CTNNA3: variants seen among roughly 807,000 people sequenced by gnomAD.
CTNNA3 encodes the protein catenin alpha 3.
CTNNA3 carries 76 observed loss-of-function variants against 95.7 expected under a neutral mutation model. The observed-to-expected ratio is 0.79, with a 90% confidence interval of 0.66 to 0.96. The LOEUF (loss-of-function observed/expected upper bound fraction) is 0.96. CTNNA3 is among the 40% of genes least tolerant of loss of function. The pLI is 0.00. For missense variants in CTNNA3, 1,191 were observed against 1,089.8 expected, an observed-to-expected ratio of 1.09 and a Z score of -1.31; for synonymous variants, 431 against 374.4, an observed-to-expected ratio of 1.15 and a Z score of -1.74.
chr10:66,930,084 A>C (rs1198497431), intron 7 of CTNNA3, among the ~76,000 whole-genome samples: 1 of 152,138 alleles, frequency 6.6e-6, no homozygotes, highest in Non-Finnish European at 1.5e-5. Context: ...GGGGTTTTTC[A>C]TATGCTGAGA....
intron 9 of CTNNA3, among the ~76,000 whole-genome samples, chr10:66,691,371 T>C (rs541639686): frequency 1.1e-3 from 162 of 152,242 alleles, no homozygotes; most frequent in Middle Eastern, 6.8e-3. Flanking sequence ...CACAGCAGAC[T>C]GAGATCAAAC....
intron 7 of CTNNA3, among the ~76,000 whole-genome samples, chr10:66,896,628 T>G (rs537948952): frequency 1.3e-5 from 2 of 152,298 alleles, no homozygotes; most frequent in East Asian, 3.9e-4. Flanking sequence ...GGTTCCTTTT[T>G]TTCCCTTTCT....
At chr10:66,287,885 GA>G (rs1214829500) in intron 12 of CTNNA3, among the ~76,000 whole-genome samples, 1 of 152,042 alleles carries the variant, frequency 6.6e-6, no homozygotes, top group East Asian at 1.9e-4. Context: ...TGGGGCTGAG[GA>G]AATAGTGGAG....
intron 7 of CTNNA3, among the ~76,000 whole-genome samples, chr10:67,087,423 GA>G (rs946471196): frequency 6.6e-6 from 1 of 151,646 alleles, no homozygotes; most frequent in Non-Finnish European, 1.5e-5. Flanking sequence ...TTTATAGGGG[GA>G]AAATCACCAA....
intron 7 of CTNNA3, among the ~76,000 whole-genome samples, chr10:67,009,706 G>C (rs530845299): frequency 2.6e-5 from 4 of 152,104 alleles, no homozygotes; most frequent in African/African-American, 9.6e-5. Context: ...TGTAGATTGA[G>C]AGAAAAAACA....
intron 7 of CTNNA3, among the ~76,000 whole-genome samples, chr10:67,016,808 T>C (rs1303545244): frequency 2.6e-5 from 4 of 152,204 alleles, no homozygotes; most frequent in Non-Finnish European, 5.9e-5. Context: ...TCCCTCTTTT[T>C]TGACTTCTTT....
intron 7 of CTNNA3, among the ~76,000 whole-genome samples, chr10:67,133,378 T>TATATATATATATATACAC (rs1177119156): frequency 7.5e-6 from 1 of 133,898 alleles, no homozygotes; most frequent in African/African-American, 2.9e-5. Flanking sequence ...TATATATATA[T>TATATATATATATATACAC]ACACACACAC....
chr10:66,166,498 CAAAAAAAA>C (rs35165850), intron 13 of CTNNA3, among the ~76,000 whole-genome samples: 3 of 105,204 alleles, frequency 2.9e-5, no homozygotes, highest in Admixed American at 9.7e-5. Context: ...CAGTCTGTCT[CAAAAAAAA>C]AAAAAAAAAA....
chr10:66,163,356 A>AG (rs1282307454), intron 13 of CTNNA3, among the ~76,000 whole-genome samples: 3 of 152,190 alleles, frequency 2.0e-5, no homozygotes, highest in African/African-American at 7.2e-5. Flanking sequence ...ATAGGCTGCT[A>AG]GGGGACCCAG....
At chr10:67,656,731 G>C (rs1840035374) in intron 1 of CTNNA3, among the ~76,000 whole-genome samples, 1 of 151,944 alleles carries the variant, frequency 6.6e-6, no homozygotes. Flanking sequence ...GCCGGGGGAA[G>C]AGCACTGCAG....
At chr10:66,581,771 T>C (rs1843197314) in intron 10 of CTNNA3, among the ~76,000 whole-genome samples, 1 of 151,620 alleles carries the variant, frequency 6.6e-6, no homozygotes, top group African/African-American at 2.4e-5. Context: ...TCTTTTATGG[T>C]TTCAGGTCTT....
At chr10:66,981,124 G>A (rs192950742) in intron 7 of CTNNA3, among the ~76,000 whole-genome samples, 22 of 152,108 alleles carry the variant, frequency 1.4e-4, no homozygotes, top group Admixed American at 9.2e-4. Flanking sequence ...GGCTGGTCTC[G>A]AACTCCTAAC....
At chr10:67,320,666 G>T (rs1354861959) in intron 5 of CTNNA3, among the ~76,000 whole-genome samples, 1 of 152,164 alleles carries the variant, frequency 6.6e-6, no homozygotes, top group Non-Finnish European at 1.5e-5. Flanking sequence ...TAATAAGCAT[G>T]CCTGGTAGGT....
At chr10:67,699,372 G>C (rs1045609982), upstream of CTNNA3, among the ~76,000 whole-genome samples, 1 of 151,978 alleles carries the variant, frequency 6.6e-6, no homozygotes, top group Non-Finnish European at 1.5e-5. Flanking sequence ...CTCCCAAAAG[G>C]GTCATTTTTA....
At chr10:67,439,731 T>C (rs1056835617) in intron 5 of CTNNA3, among the ~76,000 whole-genome samples, 2 of 152,122 alleles carry the variant, frequency 1.3e-5, no homozygotes, top group Non-Finnish European at 2.9e-5. Context: ...CCTGGGAACC[T>C]GCCCAGAAGG....
intron 1 of CTNNA3, among the ~76,000 whole-genome samples, chr10:67,722,677 T>G (rs554930398): frequency 2.0e-5 from 3 of 152,260 alleles, no homozygotes; most frequent in Admixed American, 2.0e-4. Flanking sequence ...TGAAAGAAAT[T>G]TGAAAGCAGT....
chr10:66,503,174 A>C (rs1840337193), intron 11 of CTNNA3, among the ~76,000 whole-genome samples: 2 of 152,178 alleles, frequency 1.3e-5, no homozygotes, highest in African/African-American at 4.8e-5. Flanking sequence ...GACACTATTC[A>C]AAACATTTAA....
intron 9 of CTNNA3, among the ~76,000 whole-genome samples, chr10:66,743,642 G>A (rs1245389979): frequency 6.6e-6 from 1 of 152,080 alleles, no homozygotes; most frequent in Non-Finnish European, 1.5e-5. Flanking sequence ...AACTGTATAG[G>A]AAGAATGCAT....
chr10:66,233,509 TTAAA>T (rs1419143479), intron 13 of CTNNA3, among the ~76,000 whole-genome samples: 2 of 152,162 alleles, frequency 1.3e-5, no homozygotes, highest in African/African-American at 4.8e-5. Context: ...TATGAGTGTC[TTAAA>T]TAGGTACTTT....
Sources: allele counts gnomAD v4.1 joint callset (sites outside exome capture counted in the v4.1 genomes callset), GRCh38; gene constraint gnomAD v4.1.1; transcripts MANE v1.5; gene names NCBI Gene and HGNC (gene_info 2026-07-23, HGNC 2026-07-21).